The following CNPY1 variants were observed in gnomAD, a reference collection of about 807,000 sequenced individuals.
CNPY1 encodes protein canopy homolog 1.
Under a neutral mutation model 14.4 loss-of-function variants are expected in CNPY1, and 14 were observed. The ratio of observed to expected loss-of-function variants is 0.97; its 90% CI spans 0.64 to 1.52. The LOEUF is 1.52. CNPY1 is among the 40% of genes most tolerant of loss of function. The pLI is 0.00. For synonymous variants in CNPY1, 43 were observed against 46.5 expected, an observed-to-expected ratio of 0.92 and a Z score of 0.31; for missense variants, 129 against 131.5, an observed-to-expected ratio of 0.98 and a Z score of 0.09.
intron 2 of CNPY1, among the ~76,000 whole-genome samples, chr7:155,520,089 T>C (rs1273190180): frequency 6.6e-6 from 1 of 152,232 alleles, no homozygotes; most frequent in Non-Finnish European, 1.5e-5. Flanking sequence ...TAGGTATACA[T>C]TCCCGTATGC....
At chr7:155,538,469 C>T (rs1797047716) in intron 2 of CNPY1, among the ~76,000 whole-genome samples, 1 of 152,196 alleles carries the variant, frequency 6.6e-6, no homozygotes, top group Non-Finnish European at 1.5e-5. Context: ...GGGGACCATC[C>T]ACCAAAGAGC....
At chr7:155,503,226 G>C in intron 4 of CNPY1, 121 bp from the exon 5 acceptor site, 1 of 815,582 alleles carries the variant, frequency 1.2e-6, no homozygotes, top group Non-Finnish European at 1.9e-6. Context: ...TTTTATTATG[G>C]AAATTTTCCC....
In CNPY1 at chr7:155,544,092, A is replaced by G. The variant is rs868502280; in HGVS notation, c.99+1739T>C. On this transcript the variant is annotated intron_variant, in intron 2 of 4. Coordinates refer to ENST00000636446, the MANE Select transcript of CNPY1 (RefSeq NM_001393663.1). ...ACACTGGAAAGGCTCAGGACCCCCA[A>G]ACGTGGACTCCTGGGTCGCATCACT... Among the ~76,000 whole-genome samples, 8 of 152,304 alleles carry G rather than the reference A, an allele frequency of 5.3e-5. No homozygotes were observed. In the South Asian group the frequency reaches 1.7e-3, roughly 32 times the overall value.
intron 4 of CNPY1, among the ~76,000 whole-genome samples, chr7:155,503,793 T>A (rs142387522): frequency 1.6e-4 from 24 of 152,348 alleles, no homozygotes; most frequent in African/African-American, 5.5e-4. Context: ...AGGTTTGATG[T>A]GGAAGCAGAA....
intron 4 of CNPY1, among the ~76,000 whole-genome samples, chr7:155,505,406 G>A (rs1256394191): frequency 1.3e-5 from 2 of 152,082 alleles, no homozygotes; most frequent in East Asian, 3.8e-4. Context: ...ACCTATCTTA[G>A]GTTTATTCTT....
intron 2 of CNPY1, among the ~76,000 whole-genome samples, chr7:155,539,065 C>T (rs777337339): frequency 6.6e-6 from 1 of 152,178 alleles, no homozygotes; most frequent in Non-Finnish European, 1.5e-5. Context: ...CCCCACCCTG[C>T]CCAGCTGCGG....
At chr7:155,544,251 A>G (rs892257733) in intron 2 of CNPY1, among the ~76,000 whole-genome samples, 5 of 152,190 alleles carry the variant, frequency 3.3e-5, no homozygotes, top group African/African-American at 4.8e-5. Context: ...AGTAATGCAG[A>G]GATGCTATTC....
Position 155,507,085 on chromosome 7 carries a change from T to C in CNPY1, c.335A>G (p.Glu112Gly), listed in dbSNP as rs147864277. 6.2e-7 allele frequency: 1 copy of C among 1,610,494 alleles called. No individual in the cohort carries two copies. Among genetic ancestry groups the C allele is most frequent in the African/African-American group, 1.3e-5 (1 of 74,976 alleles). ...CETIIEEYED[E>G]ISSLIAQETH... ...CTCCTGGGCGATAAGTGAGGATATT[T>C]CATCTTCATACTCTTCTATTATAGT... The change falls in exon 4 of 5, where the codon GAA becomes GGA. Residue 112 changes from glutamate (E) to glycine (G), a missense_variant. Transcript: ENST00000636446.
intron 2 of CNPY1, among the ~76,000 whole-genome samples, chr7:155,513,666 C>T (rs1483271431): frequency 6.6e-6 from 1 of 151,092 alleles, no homozygotes; most frequent in Admixed American, 6.6e-5. Context: ...GGATATTTTT[C>T]CAGAATTCAT....
At chr7:155,518,896 C>T (rs1402478397) in intron 2 of CNPY1, among the ~76,000 whole-genome samples, 4 of 151,992 alleles carry the variant, frequency 2.6e-5, no homozygotes, top group Admixed American at 2.0e-4. Flanking sequence ...GAAGAAATGC[C>T]GGGAAGAAAA....
intron 2 of CNPY1, among the ~76,000 whole-genome samples, chr7:155,528,416 G>A (rs767419026): frequency 5.9e-5 from 9 of 152,228 alleles, no homozygotes; most frequent in East Asian, 1.9e-4. Context: ...TCATTGTCAC[G>A]CTTCCTTCTC....
intron 2 of CNPY1, among the ~76,000 whole-genome samples, chr7:155,509,931 G>C (rs1344225779): frequency 6.6e-6 from 1 of 152,202 alleles, no homozygotes; most frequent in Non-Finnish European, 1.5e-5. Context: ...ACAGGTCAAG[G>C]TGCAGGATGC....
intron 2 of CNPY1, among the ~76,000 whole-genome samples, chr7:155,518,903 A>G (rs1796669026): frequency 6.6e-6 from 1 of 152,186 alleles, no homozygotes; most frequent in African/African-American, 2.4e-5. Context: ...TGCCGGGAAG[A>G]AAAAGGGGTC....
intron 2 of CNPY1, among the ~76,000 whole-genome samples, chr7:155,541,760 C>T (rs938648130): frequency 2.0e-5 from 3 of 152,180 alleles, no homozygotes; most frequent in African/African-American, 7.2e-5. Flanking sequence ...GATGGAGCCA[C>T]ACACCCTGAG....
rs1370926971 is a variant in CNPY1 at position 155,536,878 on chromosome 7, G to A, written c.99+8953C>T. Among the ~76,000 whole-genome samples the A allele has an allele frequency of 6.6e-6, 1 of 152,182 alleles. No homozygotes were observed. Among genetic ancestry groups the A allele is most frequent in the East Asian group, 1.9e-4 (1 of 5,198 alleles). ...ACACCATCAGTAAAGAATCATGCCAGCAATTTAAATAAAAATGAGTGATGG... is the reference window on the plus strand; with the variant it reads ...ACACCATCAGTAAAGAATCATGCCAACAATTTAAATAAAAATGAGTGATGG... On this transcript the variant is annotated intron_variant, in intron 2 of 4. Coordinates refer to ENST00000636446, the MANE Select transcript of CNPY1 (RefSeq NM_001393663.1). This position sits in a 1 kb window ranked among gnomAD's most constrained non-coding sequence, Gnocchi z 4.1.
chr7:155,546,379 G>C (rs56293306), intron 1 of CNPY1, 50 bp downstream of exon 1: 1 of 397,300 alleles, frequency 2.5e-6, no homozygotes, highest in Non-Finnish European at 4.4e-6. Flanking sequence ...AGAGACGGGG[G>C]GTCTCACTAT....
At position 155,501,274 on chromosome 7, in the gene CNPY1, C is replaced by G. The variant is rs952390665; in HGVS notation, c.*1794G>C. ...AAAGCATCACTGTCCATGAAAGGCA[C>G]CCCTCAGTGACAGGAGGTGCACCTC... On this transcript the variant is annotated 3_prime_UTR_variant, in exon 5 of 5. Coordinates refer to ENST00000636446, the MANE Select transcript of CNPY1 (RefSeq NM_001393663.1). 6.6e-6 allele frequency: 1 copy of G among 152,140 alleles called. No homozygotes were observed. Among genetic ancestry groups the G allele is most frequent in the Non-Finnish European group, 1.5e-5 (1 of 68,016 alleles). 9.4% of individuals were successfully genotyped at this position (152,140 alleles called of 1,614,324 possible).
chr7:155,505,244 G>A (rs911741889), intron 4 of CNPY1, among the ~76,000 whole-genome samples: 6 of 152,052 alleles, frequency 3.9e-5, no homozygotes, highest in Admixed American at 6.5e-5. Context: ...ACTACGTAGC[G>A]GCTCAATGGT....
intron 2 of CNPY1, among the ~76,000 whole-genome samples, chr7:155,527,797 T>A (rs1280007334): frequency 6.6e-6 from 1 of 152,106 alleles, no homozygotes; most frequent in East Asian, 1.9e-4. Context: ...CATAGAGTAA[T>A]GAGACATGTG....
Sources: gnomAD v4.1 joint callset for allele counts (sites outside exome capture counted in the v4.1 genomes callset) on GRCh38, gnomAD v4.1.1 for gene constraint, Gnocchi (gnomAD v3.1) non-coding constraint, MANE v1.5 for transcripts, NCBI Gene and HGNC (gene_info 2026-07-23, HGNC 2026-07-21) for gene names.